ILKAP: variants seen among roughly 807,000 people sequenced by gnomAD.
ILKAP encodes integrin-linked kinase-associated serine/threonine phosphatase 2C.
In ILKAP, 11 loss-of-function variants were observed where a neutral mutation model predicts 49.1. The ratio of observed to expected loss-of-function variants is 0.22; its 90% CI spans 0.14 to 0.37. The LOEUF is 0.37. ILKAP is among the 10% of genes least tolerant of loss of function. The pLI, the probability that ILKAP is intolerant of heterozygous loss-of-function variation, is 1.00. For missense variants in ILKAP, 363 were observed against 510.8 expected, an observed-to-expected ratio of 0.71 and a Z score of 2.79; for synonymous variants, 186 against 192.8, an observed-to-expected ratio of 0.96 and a Z score of 0.29.
rs763045738 is a variant in ILKAP, at chr2:238,189,914, T to C, written c.237A>G (p.Arg79=). The change falls in exon 4 of 12, where the codon AGA becomes AGG. Residue 79 remains arginine, a synonymous_variant. Transcript: ENST00000254654. ...MVKTEGKGAK[R]KTSEEEKNGS... ...CATTCTTCTCTTCCTCGGAGGTTTT[T>C]CTCTTTGCTCCTTTCCCTTCAGTCT... 2 of 1,614,116 alleles carry C rather than the reference T, an allele frequency of 1.2e-6. No homozygotes were observed. Among genetic ancestry groups the C allele is most frequent in the African/African-American group, 1.3e-5 (1 of 75,056 alleles).
At chr2:238,191,712 A>G (rs1393928421) in intron 3 of ILKAP, among the ~76,000 whole-genome samples, 1 of 151,920 alleles carries the variant, frequency 6.6e-6, no homozygotes, top group Non-Finnish European at 1.5e-5. Flanking sequence ...GGTCAAGACA[A>G]GCCTGACCAA....
rs775450458 is a variant in ILKAP, at chr2:238,189,906, G to T, written c.245C>A (p.Ser82Tyr). Residue 82 changes from serine to tyrosine, a missense_variant, in exon 4 of 12, where the codon TCC (serine) becomes TAC (tyrosine). Physicochemically the swap from Ser to Tyr is moderately radical, Grantham distance 144 (BLOSUM62 -2). Coordinates refer to ENST00000254654, the MANE Select transcript of ILKAP (RefSeq NM_030768.3). ...TEGKGAKRKT[S>Y]EEEKNGSEEL... ...TTCACTGCCATTCTTCTCTTCCTCG[G>T]AGGTTTTTCTCTTTGCTCCTTTCCC... 1.2e-6 allele frequency: 2 copies of T among 1,613,958 alleles called. No individual in the cohort carries two copies. The highest frequency in any genetic ancestry group is 2.2e-5 in the South Asian group (2 of 91,070).
intron 1 of ILKAP, among the ~76,000 whole-genome samples, chr2:238,200,814 C>T (rs1694537950): frequency 1.3e-5 from 2 of 152,190 alleles, no homozygotes; most frequent in African/African-American, 2.4e-5. Context: ...CACAATGAGG[C>T]TGTCTCAAAA....
chr2:238,183,938 T>G, intron 7 of ILKAP, 82 bp downstream of exon 7: 1 of 1,042,754 alleles, frequency 9.6e-7, no homozygotes, highest in Non-Finnish European at 1.5e-6. Flanking sequence ...GCAATAGTGT[T>G]AAACCACATC....
intron 2 of ILKAP, 162 bp downstream of exon 2, chr2:238,194,643 T>C (rs1386669424): frequency 4.3e-6 from 3 of 699,624 alleles, no homozygotes; most frequent in South Asian, 2.0e-5. Context: ...CTAGCAGATT[T>C]TTCTGCCTTA....
chr2:238,195,718 C>T (rs1261192421), intron 1 of ILKAP, among the ~76,000 whole-genome samples: 2 of 152,170 alleles, frequency 1.3e-5, no homozygotes, highest in Non-Finnish European at 2.9e-5. Flanking sequence ...CTCTATCCCA[C>T]CTCTTGCTCC....
chr2:238,182,097 C>T lies in ILKAP; in HGVS notation c.804G>A (p.Arg268=), dbSNP rs776849011. ...TTCCTCCAGCCTTCTGTATCCTCATCCGCTCTTCATACTGAGTTGGATTAT... is the reference window on the plus strand; with the variant it reads ...TTCCTCCAGCCTTCTGTATCCTCATTCGCTCTTCATACTGAGTTGGATTAT... ...KEHNPTQYEE[R]MRIQKAGGNV... is the part of the protein sequence containing the mutation. The change falls in exon 9 of 12, where the codon CGG becomes CGA. Residue 268 remains arginine, a synonymous_variant. Coordinates refer to ENST00000254654, the MANE Select transcript of ILKAP (RefSeq NM_030768.3). The T allele has an allele frequency of 1.9e-6, 3 of 1,613,886 alleles. No individual in the cohort carries two copies. Among genetic ancestry groups the T allele is most frequent in the East Asian group, 4.5e-5 (2 of 44,866 alleles).
intron 1 of ILKAP, among the ~76,000 whole-genome samples, chr2:238,197,901 C>T (rs1694410835): frequency 6.6e-6 from 1 of 152,090 alleles, no homozygotes; most frequent in African/African-American, 2.4e-5. Flanking sequence ...TTATTATTTA[C>T]CGATGAAAAA....
intron 1 of ILKAP, 31 bp downstream of exon 1, chr2:238,203,468 C>G: frequency 8.2e-7 from 1 of 1,224,756 alleles, no homozygotes; most frequent in Non-Finnish European, 1.0e-6. Flanking sequence ...GCTCTCCCTT[C>G]CCTGGCCGGC....
Position 238,184,060 on chromosome 2 carries a change from T to C in ILKAP, c.586A>G (p.Lys196Glu), listed in dbSNP as rs766986856. 2 of 1,611,898 alleles carry C rather than the reference T, an allele frequency of 1.2e-6. No homozygotes were observed. Among genetic ancestry groups the C allele is most frequent in the East Asian group, 2.2e-5 (1 of 44,878 alleles). Residue 196 changes from lysine to glutamate, a missense_variant, in exon 7 of 12, where the codon AAG becomes GAG. Transcript: ENST00000254654. ...TTAAGGAACTCTTCATCAGTATGCT[T>C]GAAAGTGTCCAAAAGGCATCTCTTC... ...TVKRCLLDTF[K>E]HTDEEFLKQA...
At chr2:238,173,131 C>G (rs1289420615) in intron 10 of ILKAP, among the ~76,000 whole-genome samples, 1 of 152,200 alleles carries the variant, frequency 6.6e-6, no homozygotes, top group South Asian at 2.1e-4. Context: ...GATCTGCCCC[C>G]AAAGTACCCT....
chr2:238,173,476 G>C, intron 10 of ILKAP, 58 bp downstream of exon 10: 1 of 1,586,032 alleles, frequency 6.3e-7, no homozygotes, highest in Non-Finnish European at 8.6e-7. Flanking sequence ...AACTGGAAGT[G>C]AGGAAGAGAA....
chr2:238,196,560 T>C (rs1009593987), intron 1 of ILKAP, among the ~76,000 whole-genome samples: 9 of 152,108 alleles, frequency 5.9e-5, no homozygotes, highest in Admixed American at 3.3e-4. Context: ...TAAATTTATA[T>C]CCCCCAAGAG....
At chr2:238,201,143 C>A (rs1228314538) in intron 1 of ILKAP, among the ~76,000 whole-genome samples, 1 of 152,024 alleles carries the variant, frequency 6.6e-6, no homozygotes, top group Non-Finnish European at 1.5e-5. Flanking sequence ...CTCATTATTC[C>A]ATTCACTTTA....
chr2:238,187,762 C>A (rs1375053386), intron 5 of ILKAP, among the ~76,000 whole-genome samples: 1 of 152,202 alleles, frequency 6.6e-6, no homozygotes. Context: ...ACACACGCTG[C>A]AGAGCCATGC....
At chr2:238,199,599 T>C (rs906073045) in intron 1 of ILKAP, among the ~76,000 whole-genome samples, 1 of 152,284 alleles carries the variant, frequency 6.6e-6, no homozygotes, top group Non-Finnish European at 1.5e-5. Context: ...CCCTTAGTAA[T>C]GTATATTGCA....
intron 7 of ILKAP, 93 bp from the exon 8 acceptor site, chr2:238,183,833 C>A: frequency 9.5e-7 from 1 of 1,047,330 alleles, no homozygotes; most frequent in Non-Finnish European, 1.4e-6. Context: ...TCTTATATTT[C>A]AAAATGAACC....
intron 7 of ILKAP, 94 bp from the exon 8 acceptor site, chr2:238,183,834 A>C: frequency 1.9e-6 from 2 of 1,030,768 alleles, no homozygotes; most frequent in Non-Finnish European, 2.9e-6. Flanking sequence ...CTTATATTTC[A>C]AAATGAACCA....
At chr2:238,183,820 G>A in intron 7 of ILKAP, 80 bp from the exon 8 acceptor site, 1 of 1,099,222 alleles carries the variant, frequency 9.1e-7, no homozygotes, top group Non-Finnish European at 1.3e-6. Context: ...TCAATGGGAA[G>A]TATCTTATAT....
Sources: gnomAD v4.1 joint callset for allele counts (sites outside exome capture counted in the v4.1 genomes callset) on GRCh38, gnomAD v4.1.1 for gene constraint, MANE v1.5 for transcripts, NCBI Gene and HGNC (gene_info 2026-07-23, HGNC 2026-07-21) for gene names.